Variants in CIRBP observed in about 807,000 individuals in gnomAD.
CIRBP encodes the protein cold inducible RNA binding protein, also known as cold-inducible RNA-binding protein.
In CIRBP, 11 loss-of-function variants were observed where a neutral mutation model predicts 22.3. The ratio of observed to expected loss-of-function variants is 0.49; its 90% CI spans 0.31 to 0.82. The LOEUF (loss-of-function observed/expected upper bound fraction) is 0.82, where lower values mean the gene tolerates loss of function less well. Among genes scored for constraint, CIRBP ranks in the 40% least tolerant of loss-of-function variants. The pLI, the probability that CIRBP is intolerant of heterozygous loss-of-function variation, is 0.05. For synonymous variants in CIRBP, 216 were observed against 158.8 expected, an observed-to-expected ratio of 1.36 and a Z score of -2.71; for missense variants, 456 against 402.7, an observed-to-expected ratio of 1.13 and a Z score of -1.13.
chr19:1,272,277 C>A lies in CIRBP; in HGVS notation c.728C>A (p.Ala243Asp), dbSNP rs772450622. The A allele has an allele frequency of 6.2e-7, 1 of 1,612,654 alleles. No individual in the cohort carries two copies. Among genetic ancestry groups the A allele is most frequent in the Non-Finnish European group, 8.5e-7 (1 of 1,179,652 alleles). ...KGERGPAGQS[A>D]RCMCGRRPAS... is the part of the protein sequence containing the mutation. ...GAGCGAGGGCCCGCTGGGCAGTCAG[C>A]TAGGTGCATGTGTGGCCGCAGGCCA... is the stretch of plus-strand genomic sequence containing the variant. Residue 243 changes from alanine (A) to aspartate (D), a missense_variant, in exon 6 of 6, where the codon GCT becomes GAT. By Grantham distance (126) the Ala-to-Asp change is moderately radical. Coordinates refer to ENST00000587896, the MANE Select transcript of CIRBP (RefSeq NM_001300829.2).
At chr19:1,271,758 C>A in intron 5 of CIRBP, 126 bp downstream of exon 5, 1 of 733,812 alleles carries the variant, frequency 1.4e-6, no homozygotes, top group Non-Finnish European at 2.2e-6. Flanking sequence ...GGTGGGGACC[C>A]AGGCCAAGAG....
At chr19:1,270,902 G>C in intron 1 of CIRBP, 26 bp from the exon 2 acceptor site, 1 of 1,498,432 alleles carries the variant, frequency 6.7e-7, no homozygotes, top group Non-Finnish European at 9.3e-7. Flanking sequence ...GACCCCTGTT[G>C]AGGATTTCAT....
In CIRBP at chr19:1,271,949, C is replaced by T. The variant is rs375230632; in HGVS notation, c.432-32C>T. On this transcript the variant is annotated intron_variant, in intron 5 of 5. Coordinates refer to ENST00000587896, the MANE Select transcript of CIRBP (RefSeq NM_001300829.2). ...TGGCAGAGCAGAAGTAGACGGGTAC[C>T]TTCCGGTACTCAACGTTTGTCTGTC... 2.9e-5 allele frequency: 46 copies of T among 1,576,030 alleles called. No individual in the cohort carries two copies. In the East Asian group the frequency reaches 6.7e-4, roughly 23 times the overall value.
intron 1 of CIRBP, chr19:1,270,116 C>A (rs200957547): frequency 9.6e-6 from 5 of 519,250 alleles, no homozygotes; most frequent in Non-Finnish European, 1.9e-5. Context: ...GCCTGGAAAT[C>A]CTGCCTTATC....
At position 1,273,872 on chromosome 19, in the gene CIRBP, C is replaced by T; in HGVS notation, c.*1429C>T. ...AAGCTGGAACTAAAGTCAGGCCCAG[C>T]CATTACGCTCCCCACGTGCAGCCAG... On this transcript the variant is annotated 3_prime_UTR_variant, in exon 6 of 6. Coordinates refer to ENST00000587896, the MANE Select transcript of CIRBP (RefSeq NM_001300829.2). 1 of 164,488 alleles carries T rather than the reference C, an allele frequency of 6.1e-6. No individual in the cohort carries two copies. The highest frequency in any genetic ancestry group is 1.3e-5 in the Non-Finnish European group (1 of 76,642). The allele number at this position is 164,488 out of a possible 1,614,324, so 10.2% of individuals were successfully genotyped here.
At chr19:1,270,239 C>T (rs994516815) in intron 1 of CIRBP, 9 of 395,930 alleles carry the variant, frequency 2.3e-5, no homozygotes, top group Middle Eastern at 3.6e-4. Flanking sequence ...CCAGCCCCCC[C>T]CCCAGTCTCA....
Position 1,274,343 on chromosome 19 carries a change from C to G in CIRBP, c.*1900C>G, listed in dbSNP as rs1600035817. On this transcript the variant is annotated 3_prime_UTR_variant, in exon 6 of 6. Transcript: ENST00000587896. ...CCGGCCAGGACTCGGGGAAGGGTGG[C>G]CTGAGAGCAGCGATGACCTCTGGGG... The G allele has an allele frequency of 2.5e-6, 1 of 401,196 alleles. No individual in the cohort carries two copies. The highest frequency in any genetic ancestry group is 4.4e-6 in the Non-Finnish European group (1 of 226,408). The allele number at this position is 401,196 out of a possible 1,614,324, so 24.9% of individuals were successfully genotyped here. A position where few individuals can be genotyped will look rare whatever the true frequency, so the allele number is the denominator to read the frequency against.
chr19:1,274,349 A>G lies in CIRBP; in HGVS notation c.*1906A>G, dbSNP rs1428291245. ...AGGACTCGGGGAAGGGTGGCCTGAG[A>G]GCAGCGATGACCTCTGGGGTCACTG... On this transcript the variant is annotated 3_prime_UTR_variant, in exon 6 of 6. Coordinates refer to ENST00000587896, the MANE Select transcript of CIRBP (RefSeq NM_001300829.2). The G allele has an allele frequency of 2.5e-6, 1 of 401,240 alleles. No homozygotes were observed. The highest frequency in any genetic ancestry group is 4.4e-6 in the Non-Finnish European group (1 of 226,400). The allele number at this position is 401,240 out of a possible 1,614,324, so 24.9% of individuals were successfully genotyped here.
chr19:1,274,483 T>C lies in CIRBP; in HGVS notation c.*2040T>C, dbSNP rs2081390032. On this transcript the variant is annotated 3_prime_UTR_variant, in exon 6 of 6. Transcript: ENST00000587896. ...GAGTGGCATGTGGCGCTGAGCCCTG[T>C]CCCGGGCGGCACCTGGGCGTTTCAG... 1 of 392,362 alleles carries C rather than the reference T, an allele frequency of 2.5e-6. No homozygotes were observed. Among genetic ancestry groups the C allele is most frequent in the Non-Finnish European group, 4.5e-6 (1 of 221,302 alleles). The allele number at this position is 392,362 out of a possible 1,614,324, so 24.3% of individuals were successfully genotyped here.
Position 1,274,264 on chromosome 19 carries a change from C to T in CIRBP, c.*1821C>T. 2 of 401,126 alleles carry T rather than the reference C, an allele frequency of 5.0e-6. No individual in the cohort carries two copies. The highest frequency in any genetic ancestry group is 8.8e-6 in the Non-Finnish European group (2 of 226,270). The allele number at this position is 401,126 out of a possible 1,614,324, so 24.8% of individuals were successfully genotyped here. ...GGAGGCCGGGAGGGGCAGCTGTGAG[C>T]CCTGTGGAGGACGTTGGGAGTAACG... On this transcript the variant is annotated 3_prime_UTR_variant, in exon 6 of 6. Transcript: ENST00000587896.
intron 1 of CIRBP, 132 bp from the exon 2 acceptor site, chr19:1,270,796 A>C (rs1288231204): frequency 1.5e-5 from 11 of 742,256 alleles, no homozygotes; most frequent in South Asian, 1.5e-4. Context: ...TATGAGTTTG[A>C]GATAATGAAA....
chr19:1,271,691 G>GGGTCCCA (rs980739768), intron 5 of CIRBP, 59 bp downstream of exon 5: 1 of 1,117,632 alleles, frequency 8.9e-7, no homozygotes, highest in South Asian at 1.4e-5. Context: ...CTTCCGTCCC[G>GGGTCCCA]GGTCCCAGGT....
intron 1 of CIRBP, chr19:1,270,368 C>T (rs1226887454): frequency 2.9e-6 from 1 of 348,916 alleles, no homozygotes; most frequent in Admixed American, 3.8e-5. Context: ...GCAGTCCTGC[C>T]CAGGGCACAA....
chr19:1,271,493 G>A (rs1312843809), intron 4 of CIRBP, 26 bp downstream of exon 4: 4 of 1,603,414 alleles, frequency 2.5e-6, no homozygotes, highest in Non-Finnish European at 3.4e-6. Flanking sequence ...GGGTCCCTTG[G>A]GGATGCTGTG....
intron 1 of CIRBP, chr19:1,269,830 C>T (rs1293125133): frequency 3.9e-6 from 2 of 518,792 alleles, no homozygotes. Context: ...CTTACCGAGC[C>T]TTAGTTTCCT....
At position 1,272,320 on chromosome 19, in the gene CIRBP, G is replaced by A. The variant is rs1414188743; in HGVS notation, c.771G>A (p.Gly257=). The change falls in exon 6 of 6, where the codon GGG becomes GGA. Residue 257 remains glycine, a synonymous_variant. Transcript: ENST00000587896. ...GCAGGCCAGCCTCCCTCGGCTGTGG[G>A]GGGTGGTTGCTCCCCGGCCGCAGGC... is the stretch of plus-strand genomic sequence containing the variant. ...CGRRPASLGC[G]GWLLPGRRPR... 3 of 1,613,792 alleles carry A rather than the reference G, an allele frequency of 1.9e-6. No homozygotes were observed. Among genetic ancestry groups the A allele is most frequent in the Admixed American group, 1.7e-5 (1 of 60,006 alleles).
Position 1,271,210 on chromosome 19 carries a change from C to G in CIRBP, c.174C>G (p.Asp58Glu). The G allele has an allele frequency of 3.1e-6, 5 of 1,613,986 alleles. No individual in the cohort carries two copies. The highest frequency in any genetic ancestry group is 4.2e-6 in the Non-Finnish European group (5 of 1,180,014). Residue 58 changes from aspartate (D) to glutamate (E), a missense_variant, in exon 3 of 6, where the codon GAC (aspartate) becomes GAG (glutamate). By Grantham distance (45) the Asp-to-Glu change is conservative. Coordinates refer to ENST00000587896, the MANE Select transcript of CIRBP (RefSeq NM_001300829.2). ...GGTTTGTCACCTTTGAGAACATTGA[C>G]GACGCTAAGGATGCCATGATGGCCA... is the stretch of plus-strand genomic sequence containing the variant. Reference protein sequence around the residue: ...GFGFVTFENIDDAKDAMMAMN... With the variant: ...GFGFVTFENIEDAKDAMMAMN...
At position 1,271,313 on chromosome 19, in the gene CIRBP, C is replaced by T. The variant is rs199641682; in HGVS notation, c.211-16C>T. On this transcript the variant is annotated splice_polypyrimidine_tract_variant and intron_variant, in intron 3 of 5. Coordinates refer to ENST00000587896, the MANE Select transcript of CIRBP (RefSeq NM_001300829.2). Reference sequence around the variant, plus strand: ...GGGGCACCCACCTGCTAACCCGTCCCGCCCTCTGTCTCCAGTCTGTAGATG... The same window carrying T: ...GGGGCACCCACCTGCTAACCCGTCCTGCCCTCTGTCTCCAGTCTGTAGATG... 7.4e-5 allele frequency: 119 copies of T among 1,614,040 alleles called. No homozygotes were observed. In the African/African-American group the frequency reaches 1.1e-3, roughly 14 times the overall value.
At chr19:1,269,907 T>A in intron 1 of CIRBP, 1 of 519,906 alleles carries the variant, frequency 1.9e-6, no homozygotes. Flanking sequence ...CGTGGCCCGT[T>A]CTAGTGTGGT....
Sources: gnomAD v4.1 joint callset for allele counts on GRCh38, gnomAD v4.1.1 for gene constraint, MANE v1.5 for transcripts, NCBI Gene and HGNC (gene_info 2026-07-23, HGNC 2026-07-21) for gene names.